The following PTPRT variants were observed in gnomAD, a reference collection of about 807,000 sequenced individuals.
The protein encoded by PTPRT is receptor-type tyrosine-protein phosphatase T.
PTPRT carries 56 observed loss-of-function variants against 176.8 expected under a neutral mutation model. That is an observed-to-expected ratio of 0.32 (90% CI 0.26 to 0.40). The LOEUF is 0.40. PTPRT is among the 10% of genes least tolerant of loss of function. The pLI, the probability that PTPRT is intolerant of heterozygous loss-of-function variation, is 1.00. For missense variants in PTPRT, 1,540 were observed against 1,908.2 expected (o/e 0.81, Z 3.60); for synonymous variants, 783 against 739.0 (o/e 1.06, Z -0.96).
intron 11 of PTPRT, among the ~76,000 whole-genome samples, chr20:42,327,080 GGTGTGTGTGTGT>G (rs139401290): frequency 6.8e-6 from 1 of 146,332 alleles, no homozygotes; most frequent in Non-Finnish European, 1.5e-5. Flanking sequence ...ACTAGGTAGG[GGTGTGTGTGTGT>G]GTGTGTGTGT....
At chr20:42,165,410 G>A (rs375169896) in intron 16 of PTPRT, among the ~76,000 whole-genome samples, 14 of 152,154 alleles carry the variant, frequency 9.2e-5, no homozygotes, top group African/African-American at 3.4e-4. Flanking sequence ...TAAGGTGTGC[G>A]TGAATAAGCC....
At chr20:42,890,627 G>A (rs73907301) in intron 1 of PTPRT, among the ~76,000 whole-genome samples, 5,725 of 152,184 alleles carry the variant, frequency 0.038, 271 homozygotes, top group African/African-American at 0.11. Context: ...TTAAAGCCAA[G>A]CTTCCCCTGG....
chr20:42,414,209 C>T (rs2059044057), intron 9 of PTPRT, among the ~76,000 whole-genome samples: 1 of 152,140 alleles, frequency 6.6e-6, no homozygotes, highest in South Asian at 2.1e-4. Context: ...TAGATATTGA[C>T]AAGGGTTTTA....
chr20:42,640,251 G>A (rs551316724), intron 7 of PTPRT, among the ~76,000 whole-genome samples: 1 of 151,878 alleles, frequency 6.6e-6, no homozygotes, highest in East Asian at 1.9e-4. Context: ...TTTTTTTATT[G>A]GTAGTTATAT....
intron 7 of PTPRT, among the ~76,000 whole-genome samples, chr20:42,559,983 G>A (rs2072925275): frequency 6.6e-6 from 1 of 152,166 alleles, no homozygotes; most frequent in African/African-American, 2.4e-5. Flanking sequence ...CCTGAACCCA[G>A]AGAAATCTCC....
chr20:42,446,809 C>T (rs564504594), intron 9 of PTPRT, among the ~76,000 whole-genome samples: 31 of 152,038 alleles, frequency 2.0e-4, no homozygotes, highest in Non-Finnish European at 4.0e-4. Flanking sequence ...AAAGCTTCTC[C>T]CAAGCGTGTG....
intron 12 of PTPRT, among the ~76,000 whole-genome samples, chr20:42,306,062 C>A (rs1167338951): frequency 6.6e-6 from 1 of 152,170 alleles, no homozygotes; most frequent in Non-Finnish European, 1.5e-5. Flanking sequence ...ATTTGGGTAA[C>A]CTTCATCTCC....
At chr20:42,983,926 T>C (rs1983418403) in intron 1 of PTPRT, among the ~76,000 whole-genome samples, 1 of 152,190 alleles carries the variant, frequency 6.6e-6, no homozygotes, top group African/African-American at 2.4e-5. Context: ...CCAACACACA[T>C]TCTTCCAATC....
chr20:42,308,630 C>T lies in PTPRT; in HGVS notation c.2139+7093G>A, dbSNP rs115524067. ...ATACATTGTCTAATTTACTCTCTCC[C>T]GATTTTTTTGAGGCAGATCATTAAT... On this transcript the variant is annotated intron_variant, in intron 12 of 30. Transcript: ENST00000373187. Among the ~76,000 whole-genome samples, 627 of 152,258 alleles carry T rather than the reference C, an allele frequency of 4.1e-3. 7 individuals carry two copies. Among genetic ancestry groups the T allele is most frequent in the African/African-American group, 0.013 (554 of 41,568 alleles).
intron 8 of PTPRT, among the ~76,000 whole-genome samples, chr20:42,459,401 C>T (rs1394947631): frequency 1.3e-5 from 2 of 152,134 alleles, no homozygotes; most frequent in African/African-American, 4.8e-5. Flanking sequence ...ATATGATTTG[C>T]TTCATGATTT....
rs1568731658 is a variant in PTPRT at position 42,276,528 on chromosome 20, TA to T, written c.2176+5960del. On this transcript the variant is annotated intron_variant, in intron 13 of 30. Coordinates refer to ENST00000373187, the MANE Select transcript of PTPRT (RefSeq NM_007050.6). ...ATATATATATATATATATATATATA[TA>T]TATATATATATATATATATATATAT... Among the ~76,000 whole-genome samples the T allele has an allele frequency of 9.5e-3, 443 of 46,480 alleles. 47 individuals carry two copies. The highest frequency in any genetic ancestry group is 0.03 in the African/African-American group (409 of 13,796). 30.5% of individuals were successfully genotyped at this position (46,480 alleles called of 152,430 possible). A position where few individuals can be genotyped will look rare whatever the true frequency, so the allele number is the denominator to read the frequency against.
At chr20:42,941,831 A>C (rs770894349) in intron 1 of PTPRT, among the ~76,000 whole-genome samples, 1 of 152,234 alleles carries the variant, frequency 6.6e-6, no homozygotes, top group African/African-American at 2.4e-5. Context: ...TGCTGATGTC[A>C]AACAATTTCA....
At chr20:43,110,134 G>C (rs938574335) in intron 1 of PTPRT, among the ~76,000 whole-genome samples, 2 of 152,186 alleles carry the variant, frequency 1.3e-5, no homozygotes, top group African/African-American at 4.8e-5. Context: ...GCCTCAGGCT[G>C]CTTCCACTCA....
chr20:42,199,457 A>G (rs1289409257), intron 15 of PTPRT, 69 bp from the exon 16 acceptor site: 1 of 1,521,312 alleles, frequency 6.6e-7, no homozygotes, highest in Non-Finnish European at 8.9e-7. Flanking sequence ...CATTGGGTAG[A>G]TTGTTCTTCC....
chr20:42,174,630 A>G (rs1029500213), intron 16 of PTPRT, among the ~76,000 whole-genome samples: 2 of 152,162 alleles, frequency 1.3e-5, no homozygotes, highest in Admixed American at 1.3e-4. Context: ...TGAAAATTCT[A>G]GAGTGTTTGA....
At chr20:43,002,457 CACTA>C (rs1776430521) in intron 1 of PTPRT, among the ~76,000 whole-genome samples, 1 of 152,108 alleles carries the variant, frequency 6.6e-6, no homozygotes, top group Admixed American at 6.6e-5. Flanking sequence ...TTCTAACACT[CACTA>C]AATCATTATA....
At chr20:42,712,093 C>T (rs2076152975) in intron 6 of PTPRT, among the ~76,000 whole-genome samples, 1 of 152,064 alleles carries the variant, frequency 6.6e-6, no homozygotes. Flanking sequence ...ACTAATGAGA[C>T]AAAGGTGATG....
At chr20:42,138,041 T>G (rs1477555808) in intron 18 of PTPRT, among the ~76,000 whole-genome samples, 1 of 152,254 alleles carries the variant, frequency 6.6e-6, no homozygotes, top group Admixed American at 6.5e-5. Context: ...AAGTTGCACA[T>G]GCGTCACCAT....
At position 42,108,764 on chromosome 20, in the gene PTPRT, T is replaced by TATG. The variant is rs139517344; in HGVS notation, c.3254+1566_3254+1568dup. ...TAATGATATATTAGAGTGCTTACTATATGTCAGGCATTCTCTCTTAGGCAC... is the reference window on the plus strand; with the variant it reads ...TAATGATATATTAGAGTGCTTACTATATGATGTCAGGCATTCTCTCTTAGGCAC... On this transcript the variant is annotated intron_variant, in intron 23 of 30. Coordinates refer to ENST00000373187, the MANE Select transcript of PTPRT (RefSeq NM_007050.6). Among the ~76,000 whole-genome samples the TATG allele has an allele frequency of 3.3e-3, 505 of 152,316 alleles. 4 individuals are homozygous for TATG. The highest frequency in any genetic ancestry group is 0.011 in the African/African-American group (474 of 41,570).
Sources: gnomAD v4.1 joint callset for allele counts (sites outside exome capture counted in the v4.1 genomes callset) on GRCh38, gnomAD v4.1.1 for gene constraint, MANE v1.5 for transcripts, NCBI Gene and HGNC (gene_info 2026-07-23, HGNC 2026-07-21) for gene names.